Variants in EPHA7 observed in about 807,000 individuals in gnomAD.
The protein encoded by EPHA7 is ephrin type-A receptor 7.
In EPHA7, 25 loss-of-function variants were observed where a neutral mutation model predicts 112.6. That is an observed-to-expected ratio of 0.22 (90% CI 0.16 to 0.31). EPHA7 has a LOEUF of 0.31. Ranked by LOEUF, EPHA7 falls within the 10% of genes least tolerant of loss-of-function variation. The probability of loss-of-function intolerance (pLI) is 1.00; values close to 1 mark genes in which losing one functional copy is unlikely to be tolerated. For synonymous variants in EPHA7, 437 were observed against 406.5 expected, an observed-to-expected ratio of 1.07 and a Z score of -0.90; for missense variants, 962 against 1,212.6, an observed-to-expected ratio of 0.79 and a Z score of 3.07.
chr6:93,359,248 T>C (rs1438564155), intron 3 of EPHA7, among the ~76,000 whole-genome samples: 1 of 152,134 alleles, frequency 6.6e-6, no homozygotes, highest in African/African-American at 2.4e-5. Context: ...ATTTAGATTC[T>C]ATAATTAAAT....
At chr6:93,329,622 A>C (rs1342707087) in intron 5 of EPHA7, among the ~76,000 whole-genome samples, 2 of 151,422 alleles carry the variant, frequency 1.3e-5, no homozygotes, top group Non-Finnish European at 3.0e-5. Flanking sequence ...TTGCTTAAAG[A>C]ATACATTGTA....
At chr6:93,317,526 T>A (rs1041863367) in intron 5 of EPHA7, among the ~76,000 whole-genome samples, 3 of 152,168 alleles carry the variant, frequency 2.0e-5, no homozygotes, top group African/African-American at 7.2e-5. Context: ...AATTTTAACA[T>A]TAGCAAAGGA....
chr6:93,269,611 G>A lies in EPHA7; in HGVS notation c.1499C>T (p.Ala500Val). The change falls in exon 7 of 17, where the codon GCC (alanine) becomes GTC (valine). Residue 500 changes from alanine to valine, a missense_variant. Physicochemically the swap from Ala to Val is moderately conservative, Grantham distance 64. Around this residue, in one of 3 missense-constraint regions of EPHA7, gnomAD observed 746 missense variants for 889.2 expected, o/e 0.84. Coordinates refer to ENST00000369303, the MANE Select transcript of EPHA7 (RefSeq NM_004440.4). Reference protein sequence around the residue: ...YSTVKTKSTSASINNLKPGTV... With the variant: ...YSTVKTKSTSVSINNLKPGTV... ...TCCTGGTTTCAGATTATTAATGGAG[G>A]CTGAAGTAGACTTGGTTTTTACTGT... The A allele has an allele frequency of 6.3e-7, 1 of 1,596,838 alleles. No homozygotes were observed. Among genetic ancestry groups the A allele is most frequent in the African/African-American group, 1.4e-5 (1 of 73,422 alleles).
intron 5 of EPHA7, among the ~76,000 whole-genome samples, chr6:93,314,241 C>T (rs182125816): frequency 8.3e-4 from 126 of 152,166 alleles, no homozygotes; most frequent in Admixed American, 1.7e-3. Flanking sequence ...CTTCTAAGAA[C>T]TGTTATATGG....
Position 93,272,412 on chromosome 6 carries a change from T to A in EPHA7, c.1335A>T (p.Gln445His). ...SITTGQAAPS[Q>H]VSGVMKERVL... ...CTCTCTCCTTCATTACTCCACTCACTTGCGAGGGAGCTGTTTGGACAAGAT... is the reference window on the plus strand; with the variant it reads ...CTCTCTCCTTCATTACTCCACTCACATGCGAGGGAGCTGTTTGGACAAGAT... Residue 445 changes from glutamine to histidine, a missense_variant, in exon 6 of 17, where the codon CAA (glutamine) becomes CAT (histidine). Physicochemically the swap from Gln to His is conservative, Grantham distance 24. Transcript: ENST00000369303. 6.2e-7 allele frequency: 1 copy of A among 1,611,624 alleles called. No individual in the cohort carries two copies. The highest frequency in any genetic ancestry group is 1.1e-5 in the South Asian group (1 of 91,034).
In EPHA7 at chr6:93,317,853, G is replaced by A. The variant is rs114350406; in HGVS notation, c.1324+38864C>T. 5.0e-3 allele frequency among the ~76,000 whole-genome samples: 755 copies of A among 152,236 alleles called. 12 individuals carry two copies. The highest frequency in any genetic ancestry group is 0.018 in the African/African-American group (728 of 41,542). On this transcript the variant is annotated intron_variant, in intron 5 of 16. Coordinates refer to ENST00000369303, the MANE Select transcript of EPHA7 (RefSeq NM_004440.4). ...ACCCCTTGGAGAGTCATTAACTAGA[G>A]AGAGATAAAGCAGCTTATCTAATGA...
chr6:93,343,003 A>C (rs1193759159), intron 5 of EPHA7, among the ~76,000 whole-genome samples: 1 of 151,786 alleles, frequency 6.6e-6, no homozygotes, highest in African/African-American at 2.4e-5. Context: ...TTACTATTAG[A>C]AGAAATAATA....
At position 93,384,096 on chromosome 6, in the gene EPHA7, G is replaced by A. The variant is rs146897319; in HGVS notation, c.833-25685C>T. On this transcript the variant is annotated intron_variant, in intron 3 of 16. Coordinates refer to ENST00000369303, the MANE Select transcript of EPHA7 (RefSeq NM_004440.4). ...CACACTCAAAAATATTAAAATTATT[G>A]ACCAAGTTAGTTTGGCTGAAGTGAA... Among the ~76,000 whole-genome samples the A allele has an allele frequency of 4.2e-3, 645 of 152,176 alleles. 3 individuals are homozygous for A. Among genetic ancestry groups the A allele is most frequent in the African/African-American group, 0.015 (619 of 41,524 alleles).
At chr6:93,305,812 A>T (rs999677062) in intron 5 of EPHA7, among the ~76,000 whole-genome samples, 10 of 151,950 alleles carry the variant, frequency 6.6e-5, no homozygotes, top group African/African-American at 2.4e-4. Context: ...AGAAGAAAAT[A>T]AAAAAAATTT....
intron 3 of EPHA7, among the ~76,000 whole-genome samples, chr6:93,398,552 G>A (rs1254799032): frequency 6.6e-6 from 1 of 151,528 alleles, no homozygotes; most frequent in Non-Finnish European, 1.5e-5. Context: ...AACATTTAAT[G>A]CCAGTGTCTA....
At chr6:93,309,534 C>T (rs1773425134) in intron 5 of EPHA7, among the ~76,000 whole-genome samples, 2 of 151,822 alleles carry the variant, frequency 1.3e-5, no homozygotes. Context: ...TTTAATTAAA[C>T]ATTGCAAAAA....
intron 3 of EPHA7, among the ~76,000 whole-genome samples, chr6:93,382,206 A>C (rs1300457125): frequency 6.6e-6 from 1 of 152,162 alleles, no homozygotes; most frequent in Non-Finnish European, 1.5e-5. Context: ...TTTGCGGAAG[A>C]CAATTTTTCC....
chr6:93,264,554 TAC>T (rs753268573), intron 8 of EPHA7, 38 bp downstream of exon 8: 1 of 1,304,114 alleles, frequency 7.7e-7, no homozygotes, highest in South Asian at 1.3e-5. Context: ...TAAAAAACAA[TAC>T]ATTTTATGTT....
At chr6:93,270,131 T>G (rs1402440574) in intron 6 of EPHA7, among the ~76,000 whole-genome samples, 1 of 151,722 alleles carries the variant, frequency 6.6e-6, no homozygotes, top group African/African-American at 2.4e-5. Flanking sequence ...ACTACTATAC[T>G]GACATACCAA....
chr6:93,326,293 C>A (rs970650934), intron 5 of EPHA7, among the ~76,000 whole-genome samples: 1 of 151,350 alleles, frequency 6.6e-6, no homozygotes, highest in African/African-American at 2.4e-5. Context: ...AAGTATTCAA[C>A]AAACAAGTAA....
chr6:93,411,533 G>A (rs781050200), intron 2 of EPHA7, among the ~76,000 whole-genome samples: 5 of 152,078 alleles, frequency 3.3e-5, no homozygotes, highest in African/African-American at 4.8e-5. Flanking sequence ...ATATACATAT[G>A]GATGCCTGGC....
intron 3 of EPHA7, among the ~76,000 whole-genome samples, chr6:93,405,813 G>GTGTGTGTATATATA (rs1357089640): frequency 2.7e-5 from 2 of 73,984 alleles, no homozygotes; most frequent in East Asian, 6.1e-4. Context: ...GTGTGTGTGT[G>GTGTGTGTATATATA]TATATATATA....
At position 93,287,184 on chromosome 6, in the gene EPHA7, T is replaced by C. The variant is rs147541816; in HGVS notation, c.1325-14762A>G. ...TGGATTCTTCCTGAAAGATTTTGTGTAAACTCTCCCATGAAAATAAAATTG... is the reference window on the plus strand; with the variant it reads ...TGGATTCTTCCTGAAAGATTTTGTGCAAACTCTCCCATGAAAATAAAATTG... On this transcript the variant is annotated intron_variant, in intron 5 of 16. Coordinates refer to ENST00000369303, the MANE Select transcript of EPHA7 (RefSeq NM_004440.4). Among the ~76,000 whole-genome samples, 86 of 152,304 alleles carry C rather than the reference T, an allele frequency of 5.6e-4. 1 individual carries two copies. The East Asian group carries it at 0.011, about 20-fold the overall frequency.
chr6:93,361,971 A>G (rs941965273), intron 3 of EPHA7, among the ~76,000 whole-genome samples: 1 of 152,082 alleles, frequency 6.6e-6, no homozygotes, highest in Non-Finnish European at 1.5e-5. Context: ...AAAATTAGGG[A>G]TATGTATAAA....
Sources: allele counts gnomAD v4.1 joint callset (sites outside exome capture counted in the v4.1 genomes callset), GRCh38; gene constraint gnomAD v4.1.1; regional missense constraint gnomAD v4.1.1; transcripts MANE v1.5; gene names NCBI Gene and HGNC (gene_info 2026-07-23, HGNC 2026-07-21).